The following DAZL variants were observed in gnomAD, a reference collection of about 807,000 sequenced individuals.
DAZL encodes deleted in azoospermia-like.
In DAZL, 4 loss-of-function variants were observed where a neutral mutation model predicts 45.0. That is an observed-to-expected ratio of 0.09 (90% CI 0.04 to 0.20). DAZL has a LOEUF of 0.20. Ranked by LOEUF, DAZL falls within the 10% of genes least tolerant of loss-of-function variation. DAZL has a pLI of 1.00. For missense variants in DAZL, 326 were observed against 351.3 expected, an observed-to-expected ratio of 0.93 and a Z score of 0.58; for synonymous variants, 122 against 112.4, an observed-to-expected ratio of 1.09 and a Z score of -0.54.
rs142441447 is a variant in DAZL at position 16,588,783 on chromosome 3, G to T, written c.835-70C>A. On this transcript the variant is annotated intron_variant, in intron 10 of 10. Transcript: ENST00000399444. ...GATTACTACTATAGATCTGAAAGTT[G>T]TCAAAAACTTAAACCATTTGTTTTG... is the stretch of plus-strand genomic sequence containing the variant. 5.3e-4 allele frequency: 655 copies of T among 1,245,414 alleles called. 2 individuals are homozygous for T. In the African/African-American group the frequency reaches 8.5e-3, roughly 16 times the overall value. The allele number at this position is 1,245,414 out of a possible 1,614,324, so 77.1% of individuals were successfully genotyped here. A position where few individuals can be genotyped will look rare whatever the true frequency, so the allele number is the denominator to read the frequency against.
rs376911882 is a variant in DAZL at position 16,593,706 on chromosome 3, A to C, written c.684T>G (p.Asn228Lys). Reference protein sequence around the residue: ...EVDPGAEVVPNECSVHEATPP... With the variant: ...EVDPGAEVVPKECSVHEATPP... ...GAGTAGCTTCATGAACTGAACATTC[A>C]TTTGGCACAACTTCAGCTCCTGGAT... Residue 228 changes from asparagine (N) to lysine (K), a missense_variant, in exon 9 of 11, where the codon AAT becomes AAG. Physicochemically the swap from Asn to Lys is moderately conservative, Grantham distance 94. Around this residue, in one of 3 missense-constraint regions of DAZL, gnomAD observed 227 missense variants for 216.6 expected, o/e 1.05. Coordinates refer to ENST00000399444, the MANE Select transcript of DAZL (RefSeq NM_001351.4). The C allele has an allele frequency of 6.2e-7, 1 of 1,612,766 alleles. No individual in the cohort carries two copies. Among genetic ancestry groups the C allele is most frequent in the Non-Finnish European group, 8.5e-7 (1 of 1,179,292 alleles).
chr3:16,593,817 T>G, intron 8 of DAZL, 49 bp from the exon 9 acceptor site: 1 of 1,218,526 alleles, frequency 8.2e-7, no homozygotes, highest in Non-Finnish European at 1.2e-6. Context: ...ACAGATATAT[T>G]TAAAAGCCAC....
At position 16,594,274 on chromosome 3, in the gene DAZL, C is replaced by CA. The variant is rs200275988; in HGVS notation, c.621+258dup. ...ACCTTTCCTGAATTATATAGTCTAT[C>CA]AACAAGTAACTGAACACTTATCATT... is the stretch of plus-strand genomic sequence containing the variant. On this transcript the variant is annotated intron_variant, in intron 8 of 10. Coordinates refer to ENST00000399444, the MANE Select transcript of DAZL (RefSeq NM_001351.4). 3.4e-3 allele frequency among the ~76,000 whole-genome samples: 514 copies of CA among 152,092 alleles called. 3 individuals carry two copies. Among genetic ancestry groups the CA allele is most frequent in the African/African-American group, 0.012 (493 of 41,478 alleles).
chr3:16,592,168 A>C lies in DAZL; in HGVS notation c.736-20T>G. On this transcript the variant is annotated intron_variant, in intron 9 of 10. Coordinates refer to ENST00000399444, the MANE Select transcript of DAZL (RefSeq NM_001351.4). The stretch of plus-strand genomic sequence containing the variant: ...AGATTTCTGAAACACAGAAGTTTTC[A>C]GTAATGTAAAGACGACTCTTTCACT... 2 of 1,609,726 alleles carry C rather than the reference A, an allele frequency of 1.2e-6. No homozygotes were observed. Among genetic ancestry groups the C allele is most frequent in the Non-Finnish European group, 1.7e-6 (2 of 1,177,410 alleles).
chr3:16,605,286 G>T lies in DAZL; in HGVS notation c.-81C>A, dbSNP rs886312959. The T allele has an allele frequency of 2.6e-6, 4 of 1,564,906 alleles. No homozygotes were observed. The highest frequency in any genetic ancestry group is 1.4e-5 in the African/African-American group (1 of 73,948). The stretch of plus-strand genomic sequence containing the variant: ...GGCGCACCACTTCTGGGGCTGCTGT[G>T]AGGTCCGCTGGAACCCGCTGCGCGG... On this transcript the variant is annotated 5_prime_UTR_variant, in exon 1 of 11. Transcript: ENST00000399444.
chr3:16,591,919 G>A (rs1234679300), intron 10 of DAZL, 131 bp downstream of exon 10: 33 of 1,064,424 alleles, frequency 3.1e-5, no homozygotes, highest in Non-Finnish European at 4.4e-5. Context: ...CTGGTTTACT[G>A]TGTTATAGTC....
Position 16,593,924 on chromosome 3 carries a change from G to C in DAZL, c.622-156C>G, listed in dbSNP as rs138570044. ...TCAAAAACTTTGTTTTAAATGAACAGTTGAAATACAGTAAGGCAGCCTTCT... is the reference window on the plus strand; with the variant it reads ...TCAAAAACTTTGTTTTAAATGAACACTTGAAATACAGTAAGGCAGCCTTCT... On this transcript the variant is annotated intron_variant, in intron 8 of 10. Coordinates refer to ENST00000399444, the MANE Select transcript of DAZL (RefSeq NM_001351.4). Among the ~76,000 whole-genome samples, 29 of 152,294 alleles carry C rather than the reference G, an allele frequency of 1.9e-4. No individual in the cohort carries two copies. The East Asian group carries it at 5.6e-3, about 29-fold the overall frequency.
rs1236046033 is a variant in DAZL at position 16,595,503 on chromosome 3, A to C, written c.499-118T>G. On this transcript the variant is annotated intron_variant, in intron 6 of 10. Coordinates refer to ENST00000399444, the MANE Select transcript of DAZL (RefSeq NM_001351.4). ...TTAAAATATTTTTCTATATACAACA[A>C]TGCAGAATTCTAAATGCATGACTGA... The C allele has an allele frequency of 8.5e-6, 5 of 590,038 alleles. No homozygotes were observed. In the East Asian group the frequency reaches 8.9e-5, roughly 11 times the overall value. 36.6% of individuals were successfully genotyped at this position (590,038 alleles called of 1,614,324 possible).
Position 16,586,878 on chromosome 3 carries a change from A to C in DAZL, c.*1782T>G, listed in dbSNP as rs1252297483. The C allele has an allele frequency of 2.0e-5, 3 of 152,124 alleles. No homozygotes were observed. The highest frequency in any genetic ancestry group is 7.2e-5 in the African/African-American group (3 of 41,450). 9.4% of individuals were successfully genotyped at this position (152,124 alleles called of 1,614,324 possible). A position where few individuals can be genotyped will look rare whatever the true frequency, so the allele number is the denominator to read the frequency against. ...AAGCATATTTCTAAGTTTAGAATTA[A>C]TTTTCCATTTTGAAAGGTTCAGGAC... On this transcript the variant is annotated 3_prime_UTR_variant, in exon 11 of 11. Coordinates refer to ENST00000399444, the MANE Select transcript of DAZL (RefSeq NM_001351.4).
chr3:16,600,960 G>C (rs946972294), intron 1 of DAZL, among the ~76,000 whole-genome samples: 1 of 152,140 alleles, frequency 6.6e-6, no homozygotes, highest in Non-Finnish European at 1.5e-5. Context: ...GCATCTGATG[G>C]GCTGAAGGCC....
rs1204021688 is a variant in DAZL at position 16,593,726 on chromosome 3, C to T, written c.664G>A (p.Gly222Arg). Residue 222 changes from glycine to arginine, a missense_variant, in exon 9 of 11, where the codon GGA (glycine) becomes AGA (arginine). This residue lies in a region of DAZL where 227 missense variants were observed against 216.6 expected (regional missense o/e 1.05). Transcript: ENST00000399444. The stretch of plus-strand genomic sequence containing the variant: ...CATTCATTTGGCACAACTTCAGCTC[C>T]TGGATCAACTTCATTACAGTGGTAG... ...VNYHCNEVDPGAEVVPNECSV... is the reference protein window; with the variant it reads ...VNYHCNEVDPRAEVVPNECSV... 1 of 1,612,724 alleles carries T rather than the reference C, an allele frequency of 6.2e-7. No homozygotes were observed. Among genetic ancestry groups the T allele is most frequent in the Admixed American group, 1.7e-5 (1 of 59,976 alleles).
At chr3:16,604,787 G>A in intron 1 of DAZL, 2 of 1,355,136 alleles carry the variant, frequency 1.5e-6, no homozygotes, top group South Asian at 3.7e-5. Flanking sequence ...AGGCGCGTGG[G>A]AGTGGGGGAG....
chr3:16,596,828 C>G lies in DAZL; in HGVS notation c.420G>C (p.Gln140His). 2 of 1,613,832 alleles carry G rather than the reference C, an allele frequency of 1.2e-6. No individual in the cohort carries two copies. Among genetic ancestry groups the G allele is most frequent in the Non-Finnish European group, 1.7e-6 (2 of 1,179,788 alleles). ...CAGTGTTTGGATTAGTCCAGACATT[C>G]TGAAACTGTGGTGGAGGAGGATGAT... ...VFNHPPPPQF[Q>H]NVWTNPNTET... The change falls in exon 6 of 11, where the codon CAG becomes CAC. Residue 140 changes from glutamine to histidine, a missense_variant. Physicochemically the swap from Gln to His is conservative, Grantham distance 24. Around this residue, in one of 3 missense-constraint regions of DAZL, gnomAD observed 227 missense variants for 216.6 expected, o/e 1.05. Coordinates refer to ENST00000399444, the MANE Select transcript of DAZL (RefSeq NM_001351.4).
chr3:16,594,594 A>T lies in DAZL; in HGVS notation c.571-11T>A, dbSNP rs530774370. ...CCACTGTGGTGGCATCTTAAAAAAA[A>T]AAAAAAGGAAACCAAAATTATTCAA... On this transcript the variant is annotated splice_polypyrimidine_tract_variant and intron_variant, in intron 7 of 10. Transcript: ENST00000399444. 4 of 1,564,072 alleles carry T rather than the reference A, an allele frequency of 2.6e-6. No individual in the cohort carries two copies. Among genetic ancestry groups the T allele is most frequent in the Non-Finnish European group, 3.4e-6 (4 of 1,159,828 alleles).
rs374726156 is a variant in DAZL at position 16,605,200 on chromosome 3, C to G, written c.3+3G>C. ...TGCCCCTCGGGCCTCTCCCTCAACT[C>G]ACCATGATGGCGGCAGGCAGCAGTT... On this transcript the variant is annotated splice_donor_region_variant and intron_variant, in intron 1 of 10. Transcript: ENST00000399444. 8.7e-6 allele frequency: 14 copies of G among 1,614,082 alleles called. No individual in the cohort carries two copies. In the East Asian group the frequency reaches 2.9e-4, roughly 33 times the overall value.
At chr3:16,598,212 T>C (rs759200492) in intron 2 of DAZL, 34 bp from the exon 3 acceptor site, 24 of 1,540,870 alleles carry the variant, frequency 1.6e-5, no homozygotes, top group Non-Finnish European at 2.0e-5. Context: ...AGAGTAAAAA[T>C]TCAGCATTCA....
chr3:16,593,610 G>A, intron 9 of DAZL, 45 bp downstream of exon 9: 4 of 1,236,826 alleles, frequency 3.2e-6, no homozygotes, highest in Non-Finnish European at 3.4e-6. Context: ...ATTAAAACTA[G>A]AAAAAATAAA....
intron 8 of DAZL, 139 bp from the exon 9 acceptor site, chr3:16,593,907 T>G: frequency 1.7e-6 from 1 of 602,406 alleles, no homozygotes; most frequent in Non-Finnish European, 2.9e-6. Flanking sequence ...TTTCAAAAAC[T>G]TTGTTTTAAA....
rs1253014172 is a variant in DAZL, at chr3:16,605,273, C to G, written c.-68G>C. ...AGAGGCTGTGCTTGGCGCACCACTT[C>G]TGGGGCTGCTGTGAGGTCCGCTGGA... On this transcript the variant is annotated 5_prime_UTR_variant, in exon 1 of 11. Transcript: ENST00000399444. 3 of 1,601,128 alleles carry G rather than the reference C, an allele frequency of 1.9e-6. No individual in the cohort carries two copies.
Sources: gnomAD v4.1 joint callset for allele counts (sites outside exome capture counted in the v4.1 genomes callset) on GRCh38, gnomAD v4.1.1 for gene constraint, gnomAD v4.1.1 regional missense constraint, MANE v1.5 for transcripts, NCBI Gene and HGNC (gene_info 2026-07-23, HGNC 2026-07-21) for gene names.